Variants in THSD8 observed in about 807,000 individuals in gnomAD.
THSD8 encodes thrombospondin type 1 domain containing 8.
intron 1 of THSD8, 104 bp downstream of exon 1, chr19:12,802,323 C>T: frequency 2.5e-6 from 1 of 397,346 alleles, no homozygotes; most frequent in Non-Finnish European, 4.4e-6. Context: ...AAATCTCCAC[C>T]CAGCTCCGCA....
intron 1 of THSD8, among the ~76,000 whole-genome samples, 183 bp downstream of exon 1, chr19:12,802,402 G>T (rs1432311976): frequency 6.6e-6 from 1 of 152,196 alleles, no homozygotes; most frequent in Non-Finnish European, 1.5e-5. Flanking sequence ...TATTGAAATA[G>T]ATACTGCTTT....
In THSD8 at chr19:12,804,153, C is replaced by T. The variant is rs1209236512; in HGVS notation, c.198C>T (p.Cys66=). The T allele has an allele frequency of 7.5e-6, 3 of 398,426 alleles. No homozygotes were observed. Among genetic ancestry groups the T allele is most frequent in the African/African-American group, 4.1e-5 (2 of 48,588 alleles). The allele number at this position is 398,426 out of a possible 1,614,324, so 24.7% of individuals were successfully genotyped here. ...CGTGGGGAAAGTGGCGGTGTCTCTGCGACCTGGGCAAGCAGGAGCGCAGCC... is the reference window on the plus strand; with the variant it reads ...CGTGGGGAAAGTGGCGGTGTCTCTGTGACCTGGGCAAGCAGGAGCGCAGCC... The part of the protein sequence containing the change: ...LGPWGKWRCL[C]DLGKQERSRE... The change falls in exon 2 of 2, where the codon TGC becomes TGT. Residue 66 remains cysteine, a synonymous_variant. Transcript: ENST00000639810.
At chr19:12,803,547 G>A (rs1274201649) in intron 1 of THSD8, among the ~76,000 whole-genome samples, 2 of 152,132 alleles carry the variant, frequency 1.3e-5, no homozygotes, top group South Asian at 2.1e-4. Context: ...CACTTACCCC[G>A]TATATGAGCT....
intron 1 of THSD8, 100 bp downstream of exon 1, chr19:12,802,319 C>A (rs2145819395): frequency 2.5e-6 from 1 of 397,388 alleles, no homozygotes; most frequent in Non-Finnish European, 4.4e-6. Flanking sequence ...CTGCAAATCT[C>A]CACCCAGCTC....
chr19:12,803,126 GC>G (rs1317072154), intron 1 of THSD8, among the ~76,000 whole-genome samples: 1 of 152,134 alleles, frequency 6.6e-6, no homozygotes, highest in Non-Finnish European at 1.5e-5. Context: ...ATGGTGGCAT[GC>G]GCCTGTAGTC....
intron 1 of THSD8, among the ~76,000 whole-genome samples, chr19:12,802,804 G>A (rs1418576588): frequency 6.6e-6 from 1 of 152,110 alleles, no homozygotes. Flanking sequence ...GGCAGATTCA[G>A]TAAAGAGCCC....
intron 1 of THSD8, among the ~76,000 whole-genome samples, chr19:12,803,556 C>T (rs1968935568): frequency 6.6e-6 from 1 of 152,070 alleles, no homozygotes. Flanking sequence ...CGTATATGAG[C>T]TTGGAAGGTT....
At chr19:12,804,035 C>A in intron 1 of THSD8, 69 bp from the exon 2 acceptor site, 1 of 391,718 alleles carries the variant, frequency 2.6e-6, no homozygotes, top group Admixed American at 4.5e-5. Context: ...ATCTTTCTCC[C>A]TCTCTGGGGG....
At chr19:12,802,730 C>T (rs1202590037) in intron 1 of THSD8, among the ~76,000 whole-genome samples, 8 of 152,018 alleles carry the variant, frequency 5.3e-5, no homozygotes, top group African/African-American at 1.9e-4. Flanking sequence ...GGTGTCAGAC[C>T]TTGGTGAGCG....
At position 12,802,079 on chromosome 19, in the gene THSD8, G is replaced by A. The variant is rs551413667; in HGVS notation, c.8G>A (p.Arg3Gln). The A allele has an allele frequency of 2.8e-5, 11 of 398,596 alleles. No homozygotes were observed. The South Asian group carries it at 1.3e-3, about 46-fold the overall frequency. The allele number at this position is 398,596 out of a possible 1,614,324, so 24.7% of individuals were successfully genotyped here. A position where few individuals can be genotyped will look rare whatever the true frequency, so the allele number is the denominator to read the frequency against. Residue 3 changes from arginine to glutamine, a missense_variant, in exon 1 of 2, where the codon CGG (arginine) becomes CAG (glutamine). Coordinates refer to ENST00000639810, the MANE Select transcript of THSD8 (RefSeq NM_001386800.1). ...GGGCCGTTGGAGTCCAGCATGGCGCGGACCCCGGGGGCGCTGCTGCTGGCG... is the reference window on the plus strand; with the variant it reads ...GGGCCGTTGGAGTCCAGCATGGCGCAGACCCCGGGGGCGCTGCTGCTGGCG... MA[R>Q]TPGALLLAPL...
chr19:12,802,371 GGC>G (rs1004765009), intron 1 of THSD8, among the ~76,000 whole-genome samples, 152 bp downstream of exon 1: 2 of 152,202 alleles, frequency 1.3e-5, no homozygotes, highest in Non-Finnish European at 2.9e-5. Context: ...TTTTCTCTAA[GGC>G]TCGGTTTACT....
intron 1 of THSD8, among the ~76,000 whole-genome samples, chr19:12,802,566 A>G (rs912030037): frequency 6.6e-6 from 1 of 152,180 alleles, no homozygotes; most frequent in African/African-American, 2.4e-5. Context: ...TGACCAGTGC[A>G]GCGAGAACGA....
chr19:12,802,819 A>G (rs1290565233), intron 1 of THSD8, among the ~76,000 whole-genome samples: 2 of 152,240 alleles, frequency 1.3e-5, no homozygotes, highest in East Asian at 3.9e-4. Context: ...GAGCCCTTTA[A>G]AGTGATCACA....
chr19:12,803,415 C>T lies in THSD8; in HGVS notation c.149-689C>T, dbSNP rs537761456. Among the ~76,000 whole-genome samples the T allele has an allele frequency of 2.0e-5, 3 of 152,270 alleles. No homozygotes were observed. The South Asian group carries it at 6.2e-4, about 32-fold the overall frequency. ...TGGCATTGTGCCTTCTAGGTAGGGC[C>T]ATGGTCACACCCCTGAAGACAGAAG... On this transcript the variant is annotated intron_variant, in intron 1 of 1. Coordinates refer to ENST00000639810, the MANE Select transcript of THSD8 (RefSeq NM_001386800.1).
At chr19:12,803,997 T>C in intron 1 of THSD8, 107 bp from the exon 2 acceptor site, 1 of 369,988 alleles carries the variant, frequency 2.7e-6, no homozygotes, top group Non-Finnish European at 4.7e-6. Context: ...CTAGCGAATA[T>C]GTGCTTCTCT....
At position 12,804,356 on chromosome 19, in the gene THSD8, G is replaced by A; in HGVS notation, c.*53G>A. 5.0e-6 allele frequency: 2 copies of A among 398,528 alleles called. No individual in the cohort carries two copies. Among genetic ancestry groups the A allele is most frequent in the Non-Finnish European group, 8.8e-6 (2 of 226,020 alleles). 24.7% of individuals were successfully genotyped at this position (398,528 alleles called of 1,614,324 possible). A position where few individuals can be genotyped will look rare whatever the true frequency, so the allele number is the denominator to read the frequency against. On this transcript the variant is annotated 3_prime_UTR_variant, in exon 2 of 2. Transcript: ENST00000639810. ...AAGTTGCGGGGCCCAGGGTGGGCGC[G>A]GAGGGAGGATGTGCGGTGCGGGGCG...
At position 12,804,172 on chromosome 19, in the gene THSD8, C is replaced by T; in HGVS notation, c.217C>T (p.Arg73Cys). ...TCTCTGCGACCTGGGCAAGCAGGAG[C>T]GCAGCCGCGAGGTAGTGGGCACAGC... ...RCLCDLGKQE[R>C]SREVVGTAPG... Residue 73 changes from arginine (R) to cysteine (C), a missense_variant, in exon 2 of 2, where the codon CGC (arginine) becomes TGC (cysteine). By Grantham distance (180) the Arg-to-Cys change is radical. Coordinates refer to ENST00000639810, the MANE Select transcript of THSD8 (RefSeq NM_001386800.1). The T allele has an allele frequency of 2.5e-6, 1 of 398,528 alleles. No homozygotes were observed. The highest frequency in any genetic ancestry group is 4.4e-6 in the Non-Finnish European group (1 of 226,088). The allele number at this position is 398,528 out of a possible 1,614,324, so 24.7% of individuals were successfully genotyped here.
intron 1 of THSD8, among the ~76,000 whole-genome samples, chr19:12,803,578 T>C (rs73503441): frequency 0.035 from 5,388 of 152,122 alleles, 331 homozygotes; most frequent in African/African-American, 0.12. Flanking sequence ...GCTTGCTGTC[T>C]CTGGGTCTTG....
intron 1 of THSD8, among the ~76,000 whole-genome samples, 182 bp from the exon 2 acceptor site, chr19:12,803,911 CAAAAAAAAAAA>C (rs761806696): frequency 4.6e-4 from 16 of 34,866 alleles, no homozygotes; most frequent in East Asian, 1.3e-3. Context: ...GACCCTGTCT[CAAAAAAAAAAA>C]AAAAAAAAAA....
Sources: gnomAD v4.1 joint callset for allele counts (sites outside exome capture counted in the v4.1 genomes callset) on GRCh38, gnomAD v4.1.1 for gene constraint, MANE v1.5 for transcripts, NCBI Gene and HGNC (gene_info 2026-07-23, HGNC 2026-07-21) for gene names.